Variants in SLCO5A1 observed in about 807,000 individuals in gnomAD.
The protein encoded by SLCO5A1 is solute carrier organic anion transporter family member 5A1, also known as organic anion transporter polypeptide-related protein 4.
In SLCO5A1, 39 loss-of-function variants were observed where a neutral mutation model predicts 65.1. The ratio of observed to expected loss-of-function variants is 0.60; its 90% confidence interval spans 0.46 to 0.78. The LOEUF is 0.78. SLCO5A1 is among the 30% of genes least tolerant of loss of function. The pLI is 0.00. For missense variants in SLCO5A1, 1,029 were observed against 1,069.4 expected, an observed-to-expected ratio of 0.96 and a Z score of 0.53; for synonymous variants, 438 against 415.7, an observed-to-expected ratio of 1.05 and a Z score of -0.65.
intron 2 of SLCO5A1, among the ~76,000 whole-genome samples, chr8:69,817,119 A>C (rs918582643): frequency 5.9e-5 from 9 of 152,168 alleles, no homozygotes; most frequent in African/African-American, 1.9e-4. Flanking sequence ...CTAAAGTATT[A>C]ATAGAGCTCT....
chr8:69,802,827 C>G (rs912517750), intron 2 of SLCO5A1, among the ~76,000 whole-genome samples: 1 of 152,202 alleles, frequency 6.6e-6, no homozygotes, highest in Non-Finnish European at 1.5e-5. Flanking sequence ...CTTCATAGCC[C>G]TTATACCAGA....
At chr8:69,680,104 T>G (rs1219306995) in intron 7 of SLCO5A1, among the ~76,000 whole-genome samples, 1 of 152,272 alleles carries the variant, frequency 6.6e-6, no homozygotes, top group Admixed American at 6.5e-5. Context: ...CCAATAATAG[T>G]GAACATCTCA....
chr8:69,731,332 G>C (rs1341534144), intron 5 of SLCO5A1, among the ~76,000 whole-genome samples: 1 of 152,154 alleles, frequency 6.6e-6, no homozygotes, highest in Non-Finnish European at 1.5e-5. Flanking sequence ...ACTTTCAACA[G>C]CAAAAACCGC....
chr8:69,722,741 A>G lies in SLCO5A1; in HGVS notation c.1423+15299T>C, dbSNP rs1423337336. On this transcript the variant is annotated intron_variant, in intron 5 of 9. Transcript: ENST00000260126. ...TCTCCTAAAACAAACTCAGATCTTC[A>G]AGACAAAAATGATGAGATTTGTTAA... Among the ~76,000 whole-genome samples the G allele has an allele frequency of 3.9e-5, 6 of 152,000 alleles. No individual in the cohort carries two copies. In the East Asian group the frequency reaches 9.7e-4, roughly 24 times the overall value.
At chr8:69,784,873 G>GAA (rs1563722881) in intron 2 of SLCO5A1, among the ~76,000 whole-genome samples, 47 of 67,174 alleles carry the variant, frequency 7.0e-4, no homozygotes, top group African/African-American at 7.2e-4. Flanking sequence ...GGGAAGGAAG[G>GAA]AGAAAGAAAG....
chr8:69,830,170 A>C (rs182087742), intron 2 of SLCO5A1, among the ~76,000 whole-genome samples: 81 of 152,260 alleles, frequency 5.3e-4, no homozygotes, highest in African/African-American at 1.9e-3. Context: ...GTTAGTGGGG[A>C]TTACTGAGGA....
At chr8:69,735,600 T>C (rs1816519242) in intron 5 of SLCO5A1, among the ~76,000 whole-genome samples, 1 of 152,134 alleles carries the variant, frequency 6.6e-6, no homozygotes, top group Non-Finnish European at 1.5e-5. Flanking sequence ...TTCTCACTTA[T>C]AAGTAGGAGC....
At chr8:69,716,492 C>T (rs1815545912) in intron 5 of SLCO5A1, among the ~76,000 whole-genome samples, 1 of 152,184 alleles carries the variant, frequency 6.6e-6, no homozygotes, top group Non-Finnish European at 1.5e-5. Flanking sequence ...GTTATTATCA[C>T]AGATAATAGT....
rs1814907370 is a variant in SLCO5A1 at position 69,705,035 on chromosome 8, T to TTGTA, written c.1614_1617dup (p.Thr540TyrfsTer11). Reference sequence around the variant, plus strand: ...CGGCTCTTAAGAGGTACTTACCCTGTTGTATAAGGGATGTTTATGCCCCCT... The same window carrying TTGTA: ...CGGCTCTTAAGAGGTACTTACCCTGTTGTATGTATAAGGGATGTTTATGCCCCCT... On this transcript the variant is annotated frameshift_variant, in exon 6 of 10. Coordinates refer to ENST00000260126, the MANE Select transcript of SLCO5A1 (RefSeq NM_030958.3). LOFTEE classifies it high-confidence loss of function. The TTGTA allele has an allele frequency of 2.5e-6, 4 of 1,610,796 alleles. No homozygotes were observed. The South Asian group carries it at 4.4e-5, about 18-fold the overall frequency.
At chr8:69,727,907 G>T (rs1276579448) in intron 5 of SLCO5A1, among the ~76,000 whole-genome samples, 1 of 152,150 alleles carries the variant, frequency 6.6e-6, no homozygotes, top group Non-Finnish European at 1.5e-5. Flanking sequence ...CTCTGCCAGC[G>T]CAAACGCAAA....
intron 5 of SLCO5A1, among the ~76,000 whole-genome samples, chr8:69,737,373 T>C (rs1816604950): frequency 2.0e-5 from 3 of 152,242 alleles, no homozygotes; most frequent in African/African-American, 7.2e-5. Context: ...ATCAGCCATC[T>C]TTGATATCAC....
intron 3 of SLCO5A1, among the ~76,000 whole-genome samples, chr8:69,760,083 C>G (rs959458799): frequency 6.6e-6 from 1 of 152,214 alleles, no homozygotes; most frequent in African/African-American, 2.4e-5. Flanking sequence ...CCATCTTTCC[C>G]TCCAGATGTT....
chr8:69,679,083 C>G (rs1177704392), intron 8 of SLCO5A1, among the ~76,000 whole-genome samples: 1 of 152,148 alleles, frequency 6.6e-6, no homozygotes, highest in Non-Finnish European at 1.5e-5. Context: ...GAAGTTGAAC[C>G]TCGTAGGGCA....
intron 6 of SLCO5A1, among the ~76,000 whole-genome samples, chr8:69,697,624 A>G (rs1486260445): frequency 6.6e-6 from 1 of 152,156 alleles, no homozygotes; most frequent in African/African-American, 2.4e-5. Flanking sequence ...CATTAGGATT[A>G]TAAGAAGGCT....
intron 4 of SLCO5A1, among the ~76,000 whole-genome samples, chr8:69,746,860 A>G (rs1817052726): frequency 6.6e-6 from 1 of 152,180 alleles, no homozygotes; most frequent in African/African-American, 2.4e-5. Flanking sequence ...TAGAGATAGC[A>G]TTGGGCTCAG....
chr8:69,811,242 A>G (rs1820193497), intron 2 of SLCO5A1, among the ~76,000 whole-genome samples: 1 of 152,222 alleles, frequency 6.6e-6, no homozygotes, highest in South Asian at 2.1e-4. Context: ...CCGTGAGCTT[A>G]CGTGTTTGGG....
intron 7 of SLCO5A1, among the ~76,000 whole-genome samples, chr8:69,681,074 G>A (rs776143564): frequency 5.3e-5 from 8 of 151,848 alleles, no homozygotes; most frequent in South Asian, 2.1e-4. Flanking sequence ...TCAACATGGC[G>A]ACACAGTGGA....
chr8:69,820,270 C>T (rs1488898399), intron 2 of SLCO5A1, among the ~76,000 whole-genome samples: 6 of 152,210 alleles, frequency 3.9e-5, no homozygotes, highest in Non-Finnish European at 7.3e-5. Context: ...GCAGTTGTCA[C>T]TAAGAACAGC....
intron 3 of SLCO5A1, 44 bp from the exon 4 acceptor site, chr8:69,755,685 T>C: frequency 1.3e-6 from 2 of 1,528,002 alleles, no homozygotes; most frequent in Non-Finnish European, 1.8e-6. Flanking sequence ...TCTTTTCTTT[T>C]GTGAGTGAGA....
Sources: gnomAD v4.1 joint callset for allele counts (sites outside exome capture counted in the v4.1 genomes callset) on GRCh38, gnomAD v4.1.1 for gene constraint, MANE v1.5 for transcripts, NCBI Gene and HGNC (gene_info 2026-07-23, HGNC 2026-07-21) for gene names.